SLC24A2: variants seen among roughly 807,000 people sequenced by gnomAD.
SLC24A2 encodes solute carrier family 24 member 2.
SLC24A2 carries 36 observed loss-of-function variants against 62.0 expected under a neutral mutation model. That is an observed-to-expected ratio of 0.58 (90% confidence interval 0.44 to 0.77). The LOEUF is 0.77. Among genes scored for constraint, SLC24A2 ranks in the 30% least tolerant of loss-of-function variants. The probability of loss-of-function intolerance (pLI) is 0.00; values close to 1 mark genes in which losing one functional copy is unlikely to be tolerated. For synonymous variants in SLC24A2, 358 were observed against 294.0 expected (o/e 1.22, Z -2.23); for missense variants, 846 against 817.9 (o/e 1.03, Z -0.42).
At chr9:19,760,171 G>A (rs1226464635) in intron 2 of SLC24A2, among the ~76,000 whole-genome samples, 3 of 151,554 alleles carry the variant, frequency 2.0e-5, no homozygotes, top group Admixed American at 6.6e-5. Flanking sequence ...ACCTGTAGCT[G>A]GGCAATCACT....
At chr9:20,003,891 G>GAAAA in the SLC24A2 span, among the ~76,000 whole-genome samples, 1 of 115,950 alleles carries the variant, frequency 8.6e-6, no homozygotes, top group Non-Finnish European at 1.9e-5. Context: ...GATGTTTAAC[G>GAAAA]AAAAAAAAAA....
chr9:19,675,817 T>C (rs903894611), intron 2 of SLC24A2, among the ~76,000 whole-genome samples: 1 of 152,200 alleles, frequency 6.6e-6, no homozygotes, highest in Non-Finnish European at 1.5e-5. Context: ...CCCCGCCTGC[T>C]GTGGCTTCGT....
At chr9:19,880,973 C>A in the SLC24A2 span, among the ~76,000 whole-genome samples, 1 of 152,122 alleles carries the variant, frequency 6.6e-6, no homozygotes, top group African/African-American at 2.4e-5. Flanking sequence ...TAGCTGTGGC[C>A]CTGGGCAAAT....
the SLC24A2 span, among the ~76,000 whole-genome samples, chr9:20,103,697 G>A: frequency 6.6e-6 from 1 of 152,136 alleles, no homozygotes; most frequent in Admixed American, 6.5e-5. Context: ...AAACCCACCT[G>A]TACATCACCA....
chr9:20,190,482 G>GT, the SLC24A2 span, among the ~76,000 whole-genome samples: 3 of 152,152 alleles, frequency 2.0e-5, no homozygotes, highest in Non-Finnish European at 2.9e-5. Flanking sequence ...AATAAGGGAA[G>GT]TAACATTTAC....
chr9:20,051,731 T>C, the SLC24A2 span, among the ~76,000 whole-genome samples: 1 of 146,988 alleles, frequency 6.8e-6, no homozygotes, highest in Non-Finnish European at 1.5e-5. Context: ...TCTGTGTATA[T>C]CATTTCAAAG....
intron 2 of SLC24A2, among the ~76,000 whole-genome samples, chr9:19,762,962 T>G (rs1274215657): frequency 6.6e-6 from 1 of 152,184 alleles, no homozygotes; most frequent in Non-Finnish European, 1.5e-5. Context: ...CACGGAATGT[T>G]TTTCCCATTT....
intron 2 of SLC24A2, among the ~76,000 whole-genome samples, chr9:19,727,565 A>G (rs1821207882): frequency 6.6e-6 from 1 of 152,214 alleles, no homozygotes; most frequent in African/African-American, 2.4e-5. Context: ...TCAGACACTT[A>G]GAACAATGAC....
the SLC24A2 span, among the ~76,000 whole-genome samples, chr9:20,212,617 T>C: frequency 6.6e-6 from 1 of 151,526 alleles, no homozygotes; most frequent in Non-Finnish European, 1.5e-5. Context: ...CTCTCTGTTT[T>C]AGAAAGATCA....
chr9:19,527,585 A>G (rs1380153922), intron 9 of SLC24A2, among the ~76,000 whole-genome samples: 3 of 152,204 alleles, frequency 2.0e-5, no homozygotes, highest in Non-Finnish European at 4.4e-5. Context: ...ACTCATATTG[A>G]GTTAAAAATA....
the SLC24A2 span, among the ~76,000 whole-genome samples, chr9:20,246,530 G>C: frequency 6.6e-6 from 1 of 152,144 alleles, no homozygotes; most frequent in Non-Finnish European, 1.5e-5. Context: ...GTTGGGCTTA[G>C]GAAATAATAA....
At chr9:19,788,047 T>C (rs2383124) in intron 1 of SLC24A2, among the ~76,000 whole-genome samples, 58,877 of 152,110 alleles carry the variant, frequency 0.39, 12,384 homozygotes, top group Admixed American at 0.49. Context: ...ACTATTCTTT[T>C]CCATATCAAC....
chr9:19,589,116 A>G (rs566772490), intron 5 of SLC24A2, among the ~76,000 whole-genome samples: 2 of 152,220 alleles, frequency 1.3e-5, no homozygotes, highest in Admixed American at 6.5e-5. Flanking sequence ...AATTTATTTT[A>G]TATGTATATG....
intron 7 of SLC24A2, among the ~76,000 whole-genome samples, chr9:19,558,270 C>A (rs1299371076): frequency 6.6e-6 from 1 of 152,140 alleles, no homozygotes; most frequent in Non-Finnish European, 1.5e-5. Flanking sequence ...CTTTAGCTTA[C>A]TGAGTAACAT....
chr9:19,792,536 C>CAAAAAAAAAAA (rs1165695410), upstream of SLC24A2, among the ~76,000 whole-genome samples: 134 of 74,556 alleles, frequency 1.8e-3, no homozygotes, highest in Non-Finnish European at 2.3e-3. Context: ...ACTAAAAATA[C>CAAAAAAAAAAA]AAAAAAAAAA....
At chr9:20,026,594 A>G in the SLC24A2 span, among the ~76,000 whole-genome samples, 1 of 152,230 alleles carries the variant, frequency 6.6e-6, no homozygotes, top group Non-Finnish European at 1.5e-5. Context: ...TCTTCAATAA[A>G]TGATGTTGGT....
chr9:19,819,447 C>T, the SLC24A2 span, among the ~76,000 whole-genome samples: 1 of 152,112 alleles, frequency 6.6e-6, no homozygotes, highest in Non-Finnish European at 1.5e-5. Context: ...ACAATCTATA[C>T]ATCTGACAAA....
chr9:20,296,090 T>A, the SLC24A2 span, among the ~76,000 whole-genome samples: 1 of 152,210 alleles, frequency 6.6e-6, no homozygotes, highest in Non-Finnish European at 1.5e-5. Context: ...AAGATAAAAG[T>A]TTAAAACTAA....
chr9:20,210,762 C>T, the SLC24A2 span, among the ~76,000 whole-genome samples: 1 of 146,790 alleles, frequency 6.8e-6, no homozygotes, highest in African/African-American at 2.5e-5. Flanking sequence ...CCTCAGCCTC[C>T]CATAGTGCTG....
Sources: gnomAD v4.1 joint callset for allele counts (sites outside exome capture counted in the v4.1 genomes callset) on GRCh38, gnomAD v4.1.1 for gene constraint, MANE v1.5 for transcripts, NCBI Gene and HGNC (gene_info 2026-07-23, HGNC 2026-07-21) for gene names.